The following ATAD2B variants were observed in gnomAD, a reference collection of about 807,000 sequenced individuals.
ATAD2B encodes ATPase family AAA domain containing 2B.
ATAD2B carries 40 observed loss-of-function variants against 167.6 expected under a neutral mutation model. That is an observed-to-expected ratio of 0.24 (90% CI 0.19 to 0.31). ATAD2B has a LOEUF of 0.31. Among genes scored for constraint, ATAD2B ranks in the 10% least tolerant of loss-of-function variants. The probability of loss-of-function intolerance (pLI) is 1.00; values close to 1 mark genes in which losing one functional copy is unlikely to be tolerated. For synonymous variants in ATAD2B, 579 were observed against 596.5 expected, an observed-to-expected ratio of 0.97 and a Z score of 0.43; for missense variants, 1,242 against 1,757.2, an observed-to-expected ratio of 0.71 and a Z score of 5.24.
chr2:23,717,983 A>G, the ATAD2B span, among the ~76,000 whole-genome samples: 2 of 152,232 alleles, frequency 1.3e-5, no homozygotes, highest in Non-Finnish European at 2.9e-5. Flanking sequence ...AAGGGTAAAA[A>G]GAAGGGCAGG....
In ATAD2B at chr2:23,824,446, C is replaced by CA. The variant is rs1225373758; in HGVS notation, c.1820-878dup. On this transcript the variant is annotated intron_variant, in intron 15 of 27. Coordinates refer to ENST00000238789, the MANE Select transcript of ATAD2B (RefSeq NM_017552.4). ...AGTATATAAACAGAAACTTCAAAAA[C>CA]AGAGCTATTCTACTACCAACTCTGA... 6.6e-5 allele frequency among the ~76,000 whole-genome samples: 10 copies of CA among 152,238 alleles called. No homozygotes were observed. In the East Asian group the frequency reaches 1.5e-3, roughly 23 times the overall value.
chr2:23,738,049 T>C, the ATAD2B span, among the ~76,000 whole-genome samples: 1 of 152,058 alleles, frequency 6.6e-6, no homozygotes, highest in Non-Finnish European at 1.5e-5. Flanking sequence ...TGGGACTATG[T>C]GAAAAGACCA....
Position 23,853,307 on chromosome 2 carries a change from G to T in ATAD2B, c.1568+4108C>A, listed in dbSNP as rs548050307. 2.6e-5 allele frequency among the ~76,000 whole-genome samples: 4 copies of T among 152,332 alleles called. No homozygotes were observed. In the East Asian group the frequency reaches 5.8e-4, roughly 22 times the overall value. ...AGAAGTACCTTTATTTGCAGATAAG[G>T]TATATGTATAAAACCGTAAGGAAAC... On this transcript the variant is annotated intron_variant, in intron 13 of 27. Transcript: ENST00000238789.
Position 23,816,914 on chromosome 2 carries a change from T to C in ATAD2B, c.2267+2833A>G, listed in dbSNP as rs2339924. Among the ~76,000 whole-genome samples, 196 of 152,318 alleles carry C rather than the reference T, an allele frequency of 1.3e-3. 4 individuals are homozygous for C. In the East Asian group the frequency reaches 0.034, roughly 26 times the overall value. ...TAAAAAAGAAAAGGTTTCAACATTG[T>C]TTCAGGAGACTATTCCCAGAAATTC... is the stretch of plus-strand genomic sequence containing the variant. On this transcript the variant is annotated intron_variant, in intron 17 of 27. Transcript: ENST00000238789.
intron 1 of ATAD2B, among the ~76,000 whole-genome samples, chr2:23,905,565 T>C (rs762094749): frequency 7.2e-5 from 11 of 152,058 alleles, no homozygotes; most frequent in Non-Finnish European, 1.5e-4. Context: ...ACTCTGAAGT[T>C]GTACAGACAG....
At chr2:23,788,000 C>T (rs1302435725) in intron 20 of ATAD2B, among the ~76,000 whole-genome samples, 1 of 151,998 alleles carries the variant, frequency 6.6e-6, no homozygotes, top group African/African-American at 2.4e-5. Flanking sequence ...AAAACAAAGG[C>T]AGGATAGATT....
At chr2:23,789,409 TC>T (rs1417174346) in intron 19 of ATAD2B, among the ~76,000 whole-genome samples, 1 of 152,260 alleles carries the variant, frequency 6.6e-6, no homozygotes, top group South Asian at 2.1e-4. Context: ...GACACCAAAC[TC>T]CCTGAGAACA....
intron 15 of ATAD2B, among the ~76,000 whole-genome samples, chr2:23,824,779 T>C (rs907481525): frequency 2.6e-5 from 4 of 152,194 alleles, no homozygotes; most frequent in Non-Finnish European, 5.9e-5. Context: ...TGTTGCATCC[T>C]TGTCACAAAA....
the ATAD2B span, chr2:23,696,513 G>C: frequency 6.6e-7 from 1 of 1,519,542 alleles, no homozygotes; most frequent in Non-Finnish European, 8.8e-7. This position sits in a 1 kb window ranked among gnomAD's most constrained non-coding sequence, Gnocchi z 5.5. Flanking sequence ...CACGTGGAGA[G>C]GTAATGAGGC....
chr2:23,705,776 A>G, the ATAD2B span, among the ~76,000 whole-genome samples: 1 of 152,186 alleles, frequency 6.6e-6, no homozygotes, highest in Non-Finnish European at 1.5e-5. Flanking sequence ...AAAGAGTGTC[A>G]GGGCTAGAAA....
At chr2:23,709,391 T>C in the ATAD2B span, among the ~76,000 whole-genome samples, 12 of 152,232 alleles carry the variant, frequency 7.9e-5, no homozygotes, top group African/African-American at 2.4e-4. Flanking sequence ...CCTCACTGCC[T>C]TCTTCAGTCA....
At chr2:23,776,708 G>C (rs945675256) in intron 22 of ATAD2B, among the ~76,000 whole-genome samples, 1 of 152,092 alleles carries the variant, frequency 6.6e-6, no homozygotes, top group African/African-American at 2.4e-5. Flanking sequence ...TTTCTAATAA[G>C]ACCTTATGAC....
At chr2:23,881,802 C>T (rs1194354250) in intron 6 of ATAD2B, among the ~76,000 whole-genome samples, 2 of 152,136 alleles carry the variant, frequency 1.3e-5, no homozygotes, top group African/African-American at 2.4e-5. Context: ...CAGCTCACTG[C>T]GACCTCTGCC....
intron 22 of ATAD2B, among the ~76,000 whole-genome samples, chr2:23,773,313 C>T (rs1678618334): frequency 6.6e-6 from 1 of 152,092 alleles, no homozygotes; most frequent in South Asian, 2.1e-4. Context: ...TCAGACAAGC[C>T]TGAGCAACAT....
At chr2:23,702,617 C>G in the ATAD2B span, among the ~76,000 whole-genome samples, 7 of 152,190 alleles carry the variant, frequency 4.6e-5, no homozygotes, top group Non-Finnish European at 8.8e-5. Context: ...TGGGTATCAG[C>G]GCCTCCAGAA....
intron 20 of ATAD2B, 152 bp downstream of exon 20, chr2:23,788,360 C>T (rs1053319257): frequency 3.6e-6 from 3 of 823,522 alleles, no homozygotes; most frequent in African/African-American, 1.7e-5. Flanking sequence ...CAGGTGAACA[C>T]AATGGACACT....
the ATAD2B span, chr2:23,696,157 G>A: frequency 1.7e-5 from 27 of 1,545,786 alleles, no homozygotes; most frequent in African/African-American, 6.9e-5. This position sits in a 1 kb window ranked among gnomAD's most constrained non-coding sequence, Gnocchi z 5.5. Flanking sequence ...GGGTTGGGGC[G>A]GGACCAGGCA....
At chr2:23,883,649 A>G (rs1698283365) in intron 6 of ATAD2B, 1 of 1,278,466 alleles carries the variant, frequency 7.8e-7, no homozygotes, top group African/African-American at 1.5e-5. Context: ...TAACAACAAT[A>G]ATATTTGCTC....
chr2:23,752,427 G>A (rs1675455679), intron 27 of ATAD2B, among the ~76,000 whole-genome samples: 2 of 150,768 alleles, frequency 1.3e-5, no homozygotes, highest in South Asian at 4.2e-4. Context: ...TATTATGCCA[G>A]ATATTTACTA....
Sources: gnomAD v4.1 joint callset for allele counts (sites outside exome capture counted in the v4.1 genomes callset) on GRCh38, gnomAD v4.1.1 for gene constraint, Gnocchi (gnomAD v3.1) non-coding constraint, MANE v1.5 for transcripts, NCBI Gene and HGNC (gene_info 2026-07-23, HGNC 2026-07-21) for gene names.